Variants in OLFM3 observed in about 807,000 individuals in gnomAD.
OLFM3 encodes the protein olfactomedin 3, also known as noelin-3.
In OLFM3, 20 loss-of-function variants were observed where a neutral mutation model predicts 48.6. The observed-to-expected ratio is 0.41, with a 90% CI of 0.29 to 0.60. OLFM3 has a LOEUF of 0.60. OLFM3 is among the 20% of genes least tolerant of loss of function. The probability of loss-of-function intolerance (pLI) is 0.28; values close to 1 mark genes in which losing one functional copy is unlikely to be tolerated. For synonymous variants in OLFM3, 222 were observed against 198.1 expected (o/e 1.12, Z -1.01); for missense variants, 437 against 544.3 (o/e 0.80, Z 1.96).
intron 1 of OLFM3, among the ~76,000 whole-genome samples, chr1:101,932,345 T>A (rs925571109): frequency 6.6e-6 from 1 of 152,172 alleles, no homozygotes; most frequent in Non-Finnish European, 1.5e-5. Flanking sequence ...AATGACTGGA[T>A]GCAGCCAGGA....
chr1:101,813,873 GT>G (rs1654199013), intron 4 of OLFM3, among the ~76,000 whole-genome samples: 2 of 152,150 alleles, frequency 1.3e-5, no homozygotes, highest in Non-Finnish European at 2.9e-5. Flanking sequence ...TAAACGAAGA[GT>G]TAATGTCCCA....
At chr1:101,958,352 T>C (rs912488811) in intron 1 of OLFM3, among the ~76,000 whole-genome samples, 1 of 152,106 alleles carries the variant, frequency 6.6e-6, no homozygotes, top group African/African-American at 2.4e-5. Context: ...TGTTCTTTTC[T>C]ACACTGTGAG....
At chr1:101,821,253 G>A (rs1001842114) in intron 4 of OLFM3, among the ~76,000 whole-genome samples, 1 of 151,914 alleles carries the variant, frequency 6.6e-6, no homozygotes, top group Non-Finnish European at 1.5e-5. Flanking sequence ...ACTAAATTGA[G>A]TGTTAATCAA....
intron 1 of OLFM3, among the ~76,000 whole-genome samples, chr1:101,903,823 GATTT>G (rs1472903816): frequency 6.6e-6 from 1 of 151,902 alleles, no homozygotes; most frequent in Non-Finnish European, 1.5e-5. Context: ...CAGAAACAAA[GATTT>G]TTTTACCATT....
At chr1:101,916,664 T>G (rs1459630918) in intron 1 of OLFM3, among the ~76,000 whole-genome samples, 1 of 152,208 alleles carries the variant, frequency 6.6e-6, no homozygotes, top group Non-Finnish European at 1.5e-5. Flanking sequence ...AAAACATTTG[T>G]GTAAATATTG....
intron 1 of OLFM3, among the ~76,000 whole-genome samples, chr1:101,915,738 C>A (rs1471281588): frequency 6.6e-6 from 1 of 152,106 alleles, no homozygotes; most frequent in African/African-American, 2.4e-5. Context: ...ACCTTGGCAT[C>A]CTTTCAGAAG....
At chr1:101,934,462 A>T (rs1171877814) in intron 1 of OLFM3, among the ~76,000 whole-genome samples, 1 of 152,190 alleles carries the variant, frequency 6.6e-6, no homozygotes, top group African/African-American at 2.4e-5. Flanking sequence ...CAGCACCCAG[A>T]TTCATAAAGC....
At chr1:101,943,807 TA>T (rs1233642270) in intron 1 of OLFM3, among the ~76,000 whole-genome samples, 3 of 152,104 alleles carry the variant, frequency 2.0e-5, no homozygotes, top group Admixed American at 6.6e-5. Flanking sequence ...CAGGTATATC[TA>T]AAGGAGGATT....
At chr1:101,946,105 G>A (rs1035749574) in intron 1 of OLFM3, among the ~76,000 whole-genome samples, 3 of 152,082 alleles carry the variant, frequency 2.0e-5, no homozygotes, top group Non-Finnish European at 4.4e-5. Context: ...TGGGTGCCTT[G>A]GTCAGCAGCA....
At chr1:101,990,726 C>T (rs1661375167) in intron 1 of OLFM3, among the ~76,000 whole-genome samples, 1 of 151,712 alleles carries the variant, frequency 6.6e-6, no homozygotes, top group Non-Finnish European at 1.5e-5. Context: ...TGGCTCACGC[C>T]TGTAATCCCA....
At chr1:101,961,938 T>C (rs977295100) in intron 1 of OLFM3, among the ~76,000 whole-genome samples, 1 of 152,204 alleles carries the variant, frequency 6.6e-6, no homozygotes, top group African/African-American at 2.4e-5. Context: ...CTCTTCTAGC[T>C]ATCTTTTCTA....
At chr1:101,942,900 A>G (rs1659836949) in intron 1 of OLFM3, among the ~76,000 whole-genome samples, 1 of 152,178 alleles carries the variant, frequency 6.6e-6, no homozygotes, top group Non-Finnish European at 1.5e-5. Context: ...TTGGTTACTA[A>G]CGGTGACTCC....
intron 1 of OLFM3, among the ~76,000 whole-genome samples, chr1:101,906,475 A>G (rs781163698): frequency 6.6e-6 from 1 of 152,146 alleles, no homozygotes; most frequent in Non-Finnish European, 1.5e-5. Flanking sequence ...TAAGAAAACT[A>G]TGGCCCAATG....
intron 1 of OLFM3, among the ~76,000 whole-genome samples, chr1:101,860,340 T>C (rs1366466922): frequency 6.6e-6 from 1 of 152,134 alleles, no homozygotes; most frequent in East Asian, 1.9e-4. Flanking sequence ...GTTGTGAGGA[T>C]GTATTTGCAA....
chr1:101,918,284 C>T (rs139503778), intron 1 of OLFM3, among the ~76,000 whole-genome samples: 3 of 152,262 alleles, frequency 2.0e-5, no homozygotes, highest in Non-Finnish European at 4.4e-5. Flanking sequence ...GCTCCTGTAA[C>T]AAATTACCAC....
chr1:101,895,541 G>A (rs927123316), intron 1 of OLFM3, among the ~76,000 whole-genome samples: 15 of 151,938 alleles, frequency 9.9e-5, no homozygotes, highest in African/African-American at 3.6e-4. Context: ...ACATTAATGA[G>A]AGCTTTTAAC....
chr1:101,809,884 T>A lies in OLFM3; in HGVS notation c.593-3702A>T, dbSNP rs571687923. Among the ~76,000 whole-genome samples, 792 of 152,000 alleles carry A rather than the reference T, an allele frequency of 5.2e-3. 4 individuals carry two copies. The highest frequency in any genetic ancestry group is 0.01 in the Non-Finnish European group (684 of 67,916). On this transcript the variant is annotated intron_variant, in intron 4 of 5. Transcript: ENST00000370103. ...ACCACTTAGCTCCCAAGGAACAATA[T>A]AAACATTGCTATAATAATGTAAACA...
intron 1 of OLFM3, among the ~76,000 whole-genome samples, chr1:101,984,633 C>T (rs982945833): frequency 7.2e-5 from 11 of 152,222 alleles, no homozygotes; most frequent in African/African-American, 2.7e-4. Flanking sequence ...CTCCTGACCT[C>T]AGGTGATCCA....
intron 1 of OLFM3, among the ~76,000 whole-genome samples, chr1:101,965,993 C>T (rs371926603): frequency 9.2e-5 from 14 of 152,202 alleles, no homozygotes; most frequent in South Asian, 4.1e-4. Context: ...TAGTTTATTT[C>T]GCATGAGCCT....
Sources: gnomAD v4.1 joint callset for allele counts (sites outside exome capture counted in the v4.1 genomes callset) on GRCh38, gnomAD v4.1.1 for gene constraint, MANE v1.5 for transcripts, NCBI Gene and HGNC (gene_info 2026-07-23, HGNC 2026-07-21) for gene names.